NUS1: variants seen among roughly 807,000 people sequenced by gnomAD.
NUS1 encodes NUS1 dehydrodolichyl diphosphate synthase subunit, also known as dehydrodolichyl diphosphate synthase complex subunit NUS1.
For synonymous variants in NUS1, 135 were observed against 155.2 expected (o/e 0.87, Z 0.97); for missense variants, 292 against 382.9 (o/e 0.76, Z 1.98).
chr6:117,702,567 G>T (rs1773425694), intron 3 of NUS1, among the ~76,000 whole-genome samples: 1 of 152,068 alleles, frequency 6.6e-6, no homozygotes, highest in East Asian at 1.9e-4. Flanking sequence ...GTTTTTTATA[G>T]AGAAGATTTG....
At chr6:117,701,001 G>A (rs1297629516) in intron 3 of NUS1, among the ~76,000 whole-genome samples, 1 of 142,554 alleles carries the variant, frequency 7.0e-6, no homozygotes, top group Non-Finnish European at 1.5e-5. Context: ...TGGCTACTGT[G>A]TACAAAAAAA....
chr6:117,700,730 G>A (rs142885622), intron 3 of NUS1, among the ~76,000 whole-genome samples: 4 of 152,232 alleles, frequency 2.6e-5, no homozygotes, highest in Admixed American at 2.0e-4. Flanking sequence ...CAGATGAATC[G>A]ATAAAGAAAA....
Position 117,703,709 on chromosome 6 carries a change from GTAAT to G in NUS1, c.791+9_791+12del, listed in dbSNP as rs1213017281. On this transcript the variant is annotated splice_donor_region_variant and intron_variant, in intron 4 of 4. Coordinates refer to ENST00000368494, the MANE Select transcript of NUS1 (RefSeq NM_138459.5). ...CATCAGATTGACTGAGATTGTGTAA[GTAAT>G]TAAAAGCGTACTGACTTTGTTTAGA... is the stretch of plus-strand genomic sequence containing the variant. 1 of 1,594,270 alleles carries G rather than the reference GTAAT, an allele frequency of 6.3e-7. No individual in the cohort carries two copies. Among genetic ancestry groups the G allele is most frequent in the East Asian group, 2.2e-5 (1 of 44,770 alleles).
chr6:117,701,400 G>A (rs141819809), intron 3 of NUS1, among the ~76,000 whole-genome samples: 2,528 of 151,584 alleles, frequency 0.017, 73 homozygotes, highest in East Asian at 0.12. Context: ...GCCCGCCACC[G>A]CGCCTGGCTA....
chr6:117,682,331 G>A (rs1292071223), intron 1 of NUS1, among the ~76,000 whole-genome samples: 2 of 152,112 alleles, frequency 1.3e-5, no homozygotes, highest in Non-Finnish European at 2.9e-5. Flanking sequence ...TGAGTGTGGT[G>A]GCTCATGCCT....
At chr6:117,697,131 T>C (rs879758011) in intron 3 of NUS1, among the ~76,000 whole-genome samples, 4 of 151,996 alleles carry the variant, frequency 2.6e-5, no homozygotes, top group Non-Finnish European at 4.4e-5. Context: ...GCAAGCCTCA[T>C]GGTAACCTCC....
chr6:117,675,837 T>G lies in NUS1; in HGVS notation c.167T>G (p.Leu56Arg). 1 of 1,543,334 alleles carries G rather than the reference T, an allele frequency of 6.5e-7. No individual in the cohort carries two copies. Among genetic ancestry groups the G allele is most frequent in the Non-Finnish European group, 8.7e-7 (1 of 1,145,298 alleles). Reference protein sequence around the residue: ...AAVLAPLGFTLRKPPAVGRNR... With the variant: ...AAVLAPLGFTRRKPPAVGRNR... Reference sequence around the variant, plus strand: ...GTCCTAGCGCCGCTCGGCTTCACGCTCCGCAAGCCCCCGGCAGTCGGCAGG... The same window carrying G: ...GTCCTAGCGCCGCTCGGCTTCACGCGCCGCAAGCCCCCGGCAGTCGGCAGG... The change falls in exon 1 of 5, where the codon CTC (leucine) becomes CGC (arginine). Residue 56 changes from leucine to arginine, a missense_variant. Coordinates refer to ENST00000368494, the MANE Select transcript of NUS1 (RefSeq NM_138459.5).
chr6:117,688,102 A>T (rs1773165903), intron 1 of NUS1, among the ~76,000 whole-genome samples: 1 of 152,240 alleles, frequency 6.6e-6, no homozygotes, highest in African/African-American at 2.4e-5. Context: ...ATGCACCTGT[A>T]GTCCCAGCTA....
At chr6:117,678,325 C>T (rs1026607500) in intron 1 of NUS1, among the ~76,000 whole-genome samples, 1 of 151,990 alleles carries the variant, frequency 6.6e-6, no homozygotes, top group Non-Finnish European at 1.5e-5. Context: ...GGTTTTGATT[C>T]GTTCATACAT....
intron 4 of NUS1, among the ~76,000 whole-genome samples, chr6:117,706,224 C>T (rs1190899032): frequency 1.3e-5 from 2 of 152,148 alleles, no homozygotes; most frequent in Non-Finnish European, 2.9e-5. Flanking sequence ...TATTTTCACA[C>T]TGTAATTGCC....
At position 117,706,933 on chromosome 6, in the gene NUS1, C is replaced by G. The variant is rs1243479883; in HGVS notation, c.800C>G (p.Pro267Arg). The G allele has an allele frequency of 3.1e-6, 5 of 1,612,426 alleles. No individual in the cohort carries two copies. Among genetic ancestry groups the G allele is most frequent in the Non-Finnish European group, 4.2e-6 (5 of 1,178,778 alleles). The change falls in exon 5 of 5, where the codon CCT becomes CGT. Residue 267 changes from proline (P) to arginine (R), a missense_variant. Coordinates refer to ENST00000368494, the MANE Select transcript of NUS1 (RefSeq NM_138459.5). ...HIRLTEIVSLPSHLNISYEDF... is the reference protein window; with the variant it reads ...HIRLTEIVSLRSHLNISYEDF... ...CCGTGTTTTCTTTTCAGCTCTTTGC[C>G]TTCCCACCTAAACATCAGTTATGAG...
intron 4 of NUS1, among the ~76,000 whole-genome samples, chr6:117,704,509 G>C (rs776679640): frequency 2.0e-5 from 3 of 152,158 alleles, no homozygotes; most frequent in Non-Finnish European, 2.9e-5. Flanking sequence ...TGGATGATAT[G>C]TAAACAAGCA....
At chr6:117,683,272 A>G (rs1773088695) in intron 1 of NUS1, among the ~76,000 whole-genome samples, 1 of 152,208 alleles carries the variant, frequency 6.6e-6, no homozygotes, top group Admixed American at 6.5e-5. Context: ...GCACTGCAGT[A>G]TAATTTTCTA....
At chr6:117,704,618 G>A (rs374053706) in intron 4 of NUS1, among the ~76,000 whole-genome samples, 19 of 152,266 alleles carry the variant, frequency 1.2e-4, no homozygotes, top group African/African-American at 4.3e-4. Flanking sequence ...GAGAGACATA[G>A]TAGCCTTAAA....
intron 1 of NUS1, among the ~76,000 whole-genome samples, chr6:117,681,012 A>G (rs536909173): frequency 6.6e-6 from 1 of 152,080 alleles, no homozygotes; most frequent in African/African-American, 2.4e-5. Flanking sequence ...ACCTTTTGCT[A>G]TGTCTGTATT....
chr6:117,681,086 T>C (rs1773054626), intron 1 of NUS1, among the ~76,000 whole-genome samples: 2 of 152,210 alleles, frequency 1.3e-5, no homozygotes, highest in Non-Finnish European at 2.9e-5. Flanking sequence ...AATGGCTGTA[T>C]GCCTACCAAG....
chr6:117,682,915 T>C lies in NUS1; in HGVS notation c.415+6830T>C, dbSNP rs191475490. On this transcript the variant is annotated intron_variant, in intron 1 of 4. Transcript: ENST00000368494. ...TCAAGCTTTGGTAAACAGGCACTTA[T>C]CTACAGGTTATAGAAATTATTTGTA... Among the ~76,000 whole-genome samples the C allele has an allele frequency of 3.4e-4, 52 of 152,346 alleles. No homozygotes were observed. In the East Asian group the frequency reaches 6.2e-3, roughly 18 times the overall value.
chr6:117,701,405 T>C (rs1773408751), intron 3 of NUS1, among the ~76,000 whole-genome samples: 1 of 152,030 alleles, frequency 6.6e-6, no homozygotes, highest in African/African-American at 2.4e-5. Context: ...CCACCGCGCC[T>C]GGCTAATTTT....
In NUS1 at chr6:117,707,687, C is replaced by T. The variant is rs1773520546; in HGVS notation, c.*672C>T. ...GTCTGGTATTCTGGTATTCTGGGTT[C>T]AAAAGTATGACTTGAGAGTGTTGCT... is the stretch of plus-strand genomic sequence containing the variant. On this transcript the variant is annotated 3_prime_UTR_variant, in exon 5 of 5. Coordinates refer to ENST00000368494, the MANE Select transcript of NUS1 (RefSeq NM_138459.5). 6.8e-6 allele frequency: 1 copy of T among 146,494 alleles called. No homozygotes were observed. Among genetic ancestry groups the T allele is most frequent in the Non-Finnish European group, 1.5e-5 (1 of 66,538 alleles). The allele number at this position is 146,494 out of a possible 1,614,324, so 9.1% of individuals were successfully genotyped here.
Sources: gnomAD v4.1 joint callset for allele counts (sites outside exome capture counted in the v4.1 genomes callset) on GRCh38, gnomAD v4.1.1 for gene constraint, MANE v1.5 for transcripts, NCBI Gene and HGNC (gene_info 2026-07-23, HGNC 2026-07-21) for gene names.